The following MIB1 variants were observed in gnomAD, a reference collection of about 807,000 sequenced individuals.
The protein encoded by MIB1 is E3 ubiquitin-protein ligase MIB1.
MIB1 carries 278 observed loss-of-function variants against 124.5 expected under a neutral mutation model. The observed-to-expected ratio is 2.23, with a 90% CI of 2.02 to 2.47. MIB1 has a LOEUF of 2.47. MIB1 is among the 30% of genes most tolerant of loss of function. MIB1 has a pLI of 0.00. For missense variants in MIB1, 957 were observed against 1,254.4 expected (o/e 0.76, Z 3.58); for synonymous variants, 446 against 429.4 (o/e 1.04, Z -0.48).
At chr18:21,782,280 C>A (rs1245391507) in intron 6 of MIB1, among the ~76,000 whole-genome samples, 1 of 152,036 alleles carries the variant, frequency 6.6e-6, no homozygotes, top group Admixed American at 6.6e-5. Context: ...TGTGCCACCA[C>A]GCCCAGCTAA....
intron 17 of MIB1, among the ~76,000 whole-genome samples, chr18:21,852,750 T>C (rs908908645): frequency 2.6e-5 from 4 of 152,212 alleles, no homozygotes; most frequent in Non-Finnish European, 4.4e-5. Flanking sequence ...TTTATTAATA[T>C]TAGAAATCTG....
intron 7 of MIB1, 46 bp from the exon 8 acceptor site, chr18:21,798,038 G>A (rs1446979391): frequency 6.3e-7 from 1 of 1,592,120 alleles, no homozygotes; most frequent in Non-Finnish European, 8.6e-7. Flanking sequence ...TGACTTTATG[G>A]TATATACTTT....
chr18:21,751,623 C>G (rs1244484640), intron 1 of MIB1, among the ~76,000 whole-genome samples: 1 of 152,126 alleles, frequency 6.6e-6, no homozygotes, highest in East Asian at 1.9e-4. Flanking sequence ...ATTACTGCTG[C>G]TTATACTATA....
chr18:21,727,154 G>A (rs2040745949), intron 1 of MIB1, among the ~76,000 whole-genome samples: 1 of 152,114 alleles, frequency 6.6e-6, no homozygotes, highest in Admixed American at 6.5e-5. Context: ...CTGTTGCCCA[G>A]GTTGGAGTGC....
upstream of MIB1, among the ~76,000 whole-genome samples, chr18:21,739,341 C>T (rs1374359536): frequency 1.3e-5 from 2 of 152,172 alleles, no homozygotes; most frequent in African/African-American, 4.8e-5. Flanking sequence ...GATTCACAGC[C>T]GAATTCTACC....
intron 1 of MIB1, among the ~76,000 whole-genome samples, chr18:21,725,094 C>CAAAAAAAA (rs1218383555): frequency 2.3e-5 from 1 of 44,198 alleles, no homozygotes; most frequent in African/African-American, 8.3e-5. Context: ...GACTCTGTCT[C>CAAAAAAAA]AAAAAAAAAA....
chr18:21,823,888 T>A (rs1161400445), intron 12 of MIB1, among the ~76,000 whole-genome samples: 1 of 152,164 alleles, frequency 6.6e-6, no homozygotes, highest in Non-Finnish European at 1.5e-5. Context: ...AAATTTTGGA[T>A]TTAAAGTAAG....
At position 21,868,101 on chromosome 18, in the gene MIB1, AAT is replaced by A. The variant is rs1284811910; in HGVS notation, c.*3437_*3438del. The A allele has an allele frequency of 2.6e-5, 4 of 152,004 alleles. No homozygotes were observed. The highest frequency in any genetic ancestry group is 7.2e-5 in the African/African-American group (3 of 41,424). 9.4% of individuals were successfully genotyped at this position (152,004 alleles called of 1,614,324 possible). A position where few individuals can be genotyped will look rare whatever the true frequency, so the allele number is the denominator to read the frequency against. On this transcript the variant is annotated 3_prime_UTR_variant, in exon 21 of 21. Transcript: ENST00000261537. ...ATTTGTGTAAAAAATTGAATTTTTG[AAT>A]AGTTTTTTGTATTTTTTGTGATGAA...
chr18:21,768,768 G>A lies in MIB1; in HGVS notation c.531+16G>A. The A allele has an allele frequency of 6.2e-7, 1 of 1,600,688 alleles. No homozygotes were observed. The highest frequency in any genetic ancestry group is 8.5e-7 in the Non-Finnish European group (1 of 1,173,162). On this transcript the variant is annotated intron_variant, in intron 3 of 20. Transcript: ENST00000261537. ...TAGGGGAAAGGTACAGTGTTTCTCT[G>A]AATTCATTATGTATTCTAGAGTATT...
At chr18:21,843,242 C>G in intron 14 of MIB1, 25 bp downstream of exon 14, 1 of 1,482,088 alleles carries the variant, frequency 6.7e-7, no homozygotes, top group South Asian at 1.3e-5. Flanking sequence ...TACATTTTAG[C>G]TTATAATTAC....
At chr18:21,732,018 A>AATAT (rs111576923) in intron 1 of MIB1, among the ~76,000 whole-genome samples, 3 of 148,304 alleles carry the variant, frequency 2.0e-5, no homozygotes, top group African/African-American at 2.5e-5. Context: ...GTGCCCTTTA[A>AATAT]ATATATATAT....
At chr18:21,760,465 CTTAGTG>C (rs1335335215) in intron 1 of MIB1, among the ~76,000 whole-genome samples, 3 of 152,074 alleles carry the variant, frequency 2.0e-5, no homozygotes, top group African/African-American at 4.8e-5. Context: ...TTTTTCAATT[CTTAGTG>C]TTAGTCTGTT....
intron 10 of MIB1, among the ~76,000 whole-genome samples, chr18:21,810,543 T>TA (rs1026661877): frequency 2.6e-5 from 4 of 151,928 alleles, no homozygotes; most frequent in Non-Finnish European, 5.9e-5. Flanking sequence ...AGGGTGGACA[T>TA]AAAGACTGAA....
intron 12 of MIB1, among the ~76,000 whole-genome samples, chr18:21,831,738 C>T (rs964133390): frequency 2.0e-5 from 3 of 151,834 alleles, no homozygotes; most frequent in Non-Finnish European, 4.4e-5. Context: ...ACTGAGCTTG[C>T]GCTGAGACTA....
intron 1 of MIB1, among the ~76,000 whole-genome samples, chr18:21,744,119 T>A (rs977193076): frequency 2.8e-5 from 4 of 144,960 alleles, no homozygotes; most frequent in Non-Finnish European, 4.6e-5. Flanking sequence ...TTTTTTTTTT[T>A]AGAACTGAGC....
chr18:21,810,731 A>T, intron 10 of MIB1, among the ~76,000 whole-genome samples: 1 of 151,880 alleles, frequency 6.6e-6, no homozygotes. Flanking sequence ...ACAAAAATAA[A>T]TTCAAAATAC....
At chr18:21,786,183 G>A (rs1443268160) in intron 6 of MIB1, among the ~76,000 whole-genome samples, 3 of 151,750 alleles carry the variant, frequency 2.0e-5, no homozygotes, top group Non-Finnish European at 1.5e-5. Flanking sequence ...TGCAAGCTCC[G>A]CCTCCTGGGT....
intron 1 of MIB1, among the ~76,000 whole-genome samples, chr18:21,756,665 T>C (rs2041035363): frequency 6.6e-6 from 1 of 152,220 alleles, no homozygotes; most frequent in South Asian, 2.1e-4. Flanking sequence ...GGTTTCGCCA[T>C]GTTGGCTAGG....
intron 6 of MIB1, among the ~76,000 whole-genome samples, chr18:21,780,321 A>T (rs1022951654): frequency 6.6e-6 from 1 of 151,136 alleles, no homozygotes; most frequent in African/African-American, 2.5e-5. Context: ...ACTATCAAAC[A>T]TTAGATTTTT....
Sources: gnomAD v4.1 joint callset for allele counts (sites outside exome capture counted in the v4.1 genomes callset) on GRCh38, gnomAD v4.1.1 for gene constraint, MANE v1.5 for transcripts, NCBI Gene and HGNC (gene_info 2026-07-23, HGNC 2026-07-21) for gene names.